Variants in CDH7 observed in about 807,000 individuals in gnomAD.
CDH7 encodes cadherin 7, also known as cadherin-7.
In CDH7, 25 loss-of-function variants were observed where a neutral mutation model predicts 71.8. The observed-to-expected ratio is 0.35, with a 90% confidence interval of 0.25 to 0.49. The LOEUF is 0.49. Among genes scored for constraint, CDH7 ranks in the 20% least tolerant of loss-of-function variants. The pLI, the probability that CDH7 is intolerant of heterozygous loss-of-function variation, is 0.99. For missense variants in CDH7, 862 were observed against 974.6 expected (o/e 0.88, Z 1.54); for synonymous variants, 381 against 363.8 (o/e 1.05, Z -0.54).
In CDH7 at chr18:65,882,294, A is replaced by G. The variant is rs1599072969; in HGVS notation, c.*1400A>G. 6.6e-6 allele frequency: 1 copy of G among 152,158 alleles called. No individual in the cohort carries two copies. The highest frequency in any genetic ancestry group is 1.5e-5 in the Non-Finnish European group (1 of 67,986). 9.4% of individuals were successfully genotyped at this position (152,158 alleles called of 1,614,324 possible). A position where few individuals can be genotyped will look rare whatever the true frequency, so the allele number is the denominator to read the frequency against. Reference sequence around the variant, plus strand: ...TTAGAGTATGACTTTCATGACCAAAATGATGTTTCTACCTATTATTTTTCC... The same window carrying G: ...TTAGAGTATGACTTTCATGACCAAAGTGATGTTTCTACCTATTATTTTTCC... On this transcript the variant is annotated 3_prime_UTR_variant, in exon 12 of 12. Transcript: ENST00000397968.
Position 65,855,993 on chromosome 18 carries a change from T to A in CDH7, c.1236-1823T>A, listed in dbSNP as rs540884966. On this transcript the variant is annotated intron_variant, in intron 7 of 11. Coordinates refer to ENST00000397968, the MANE Select transcript of CDH7 (RefSeq NM_004361.5). The stretch of plus-strand genomic sequence containing the variant: ...AAAGAAGAAAAAACACACTGTCAGA[T>A]CAATTGAAAAAAAAAATGGGGGAAG... 5.3e-3 allele frequency among the ~76,000 whole-genome samples: 799 copies of A among 150,444 alleles called. 3 individuals carry two copies. The highest frequency in any genetic ancestry group is 0.018 in the African/African-American group (745 of 40,906).
rs61611288 is a variant in CDH7 at position 65,766,885 on chromosome 18, T to TAAAAAAAAAA, written c.210+3861_210+3870dup. 2.0e-4 allele frequency among the ~76,000 whole-genome samples: 18 copies of TAAAAAAAAAA among 88,624 alleles called. 1 individual carries two copies. Among genetic ancestry groups the TAAAAAAAAAA allele is most frequent in the Non-Finnish European group, 4.4e-4 (16 of 36,674 alleles). 58.1% of individuals were successfully genotyped at this position (88,624 alleles called of 152,430 possible). A position where few individuals can be genotyped will look rare whatever the true frequency, so the allele number is the denominator to read the frequency against. On this transcript the variant is annotated intron_variant, in intron 2 of 11. Transcript: ENST00000397968. ...CTTAACGTCCTGTAACTGTCTGACG[T>TAAAAAAAAAA]AAAAAAAAAAAAAAAAAAAAAAAAA...
chr18:65,775,547 T>G, intron 2 of CDH7, among the ~76,000 whole-genome samples: 1 of 152,188 alleles, frequency 6.6e-6, no homozygotes, highest in East Asian at 1.9e-4. Context: ...TAAAACAACC[T>G]AAAGGATAAG....
chr18:65,782,075 T>TTCCTTCC (rs1910299367), intron 2 of CDH7, among the ~76,000 whole-genome samples: 1 of 54,410 alleles, frequency 1.8e-5, no homozygotes, highest in Non-Finnish European at 3.0e-5. Context: ...TCTTTCTTTC[T>TTCCTTCC]TTCTTTCCTT....
chr18:65,770,175 A>C (rs373724667), intron 2 of CDH7, among the ~76,000 whole-genome samples: 7 of 152,302 alleles, frequency 4.6e-5, no homozygotes, highest in African/African-American at 1.7e-4. Flanking sequence ...TCAAAAATAC[A>C]TCAATTTAAG....
At position 65,772,462 on chromosome 18, in the gene CDH7, A is replaced by G. The variant is rs148922750; in HGVS notation, c.210+9410A>G. Reference sequence around the variant, plus strand: ...AGAGCTGAATTTAGGTGGTTAACTGATATGTTTTGCTTAATCTGGAGAAGC... The same window carrying G: ...AGAGCTGAATTTAGGTGGTTAACTGGTATGTTTTGCTTAATCTGGAGAAGC... On this transcript the variant is annotated intron_variant, in intron 2 of 11. Transcript: ENST00000397968. Among the ~76,000 whole-genome samples, 370 of 152,240 alleles carry G rather than the reference A, an allele frequency of 2.4e-3. 1 individual carries two copies. Among genetic ancestry groups the G allele is most frequent in the African/African-American group, 8.5e-3 (352 of 41,550 alleles).
At chr18:65,871,364 T>G (rs1297911831) in intron 11 of CDH7, among the ~76,000 whole-genome samples, 1 of 152,130 alleles carries the variant, frequency 6.6e-6, no homozygotes, top group Non-Finnish European at 1.5e-5. Flanking sequence ...ATTTTCATAT[T>G]GGAGAGCAGG....
intron 6 of CDH7, among the ~76,000 whole-genome samples, chr18:65,829,295 T>A (rs1912247740): frequency 6.6e-6 from 1 of 152,056 alleles, no homozygotes; most frequent in Non-Finnish European, 1.5e-5. Flanking sequence ...AATTTTTGTA[T>A]TTTTAGTAGA....
chr18:65,794,917 A>G (rs1910856642), intron 2 of CDH7, among the ~76,000 whole-genome samples: 1 of 152,200 alleles, frequency 6.6e-6, no homozygotes, highest in Non-Finnish European at 1.5e-5. Flanking sequence ...AGAAGAATTA[A>G]AGGTCCCTTT....
intron 7 of CDH7, among the ~76,000 whole-genome samples, chr18:65,856,681 C>T (rs958456738): frequency 6.6e-6 from 1 of 151,998 alleles, no homozygotes; most frequent in Non-Finnish European, 1.5e-5. Flanking sequence ...ATCATCATGC[C>T]TAAAGTGGGT....
intron 9 of CDH7, among the ~76,000 whole-genome samples, chr18:65,859,455 A>T (rs111747315): frequency 1.3e-5 from 2 of 152,274 alleles, no homozygotes; most frequent in African/African-American, 4.8e-5. Context: ...GTTTCCTGGG[A>T]TGTCTAATCA....
At chr18:65,770,424 A>G (rs543119835) in intron 2 of CDH7, among the ~76,000 whole-genome samples, 3 of 152,332 alleles carry the variant, frequency 2.0e-5, no homozygotes, top group Admixed American at 1.3e-4. Flanking sequence ...TTAGAATCCT[A>G]TAAGTTAAAG....
intron 1 of CDH7, among the ~76,000 whole-genome samples, chr18:65,760,633 T>G (rs1229655157): frequency 6.6e-6 from 1 of 152,204 alleles, no homozygotes; most frequent in Non-Finnish European, 1.5e-5. Flanking sequence ...GGAACTGTTC[T>G]ATGGCCACAG....
intron 11 of CDH7, among the ~76,000 whole-genome samples, chr18:65,875,336 C>G (rs1261245448): frequency 6.6e-6 from 1 of 152,132 alleles, no homozygotes; most frequent in Non-Finnish European, 1.5e-5. Context: ...GTTAGGACCA[C>G]AGGACTTGAT....
At chr18:65,782,479 A>C (rs1050625293) in intron 2 of CDH7, among the ~76,000 whole-genome samples, 13 of 152,064 alleles carry the variant, frequency 8.5e-5, no homozygotes, top group Non-Finnish European at 1.8e-4. Flanking sequence ...TGTAGATAGA[A>C]GTGGAATGTG....
chr18:65,819,663 G>A (rs1286358959), intron 4 of CDH7, among the ~76,000 whole-genome samples: 22 of 152,178 alleles, frequency 1.4e-4, no homozygotes, highest in Admixed American at 1.4e-3. Context: ...AGATGACCCA[G>A]ATCCTGGTTA....
chr18:65,839,355 C>T (rs985758788), intron 6 of CDH7, among the ~76,000 whole-genome samples: 2 of 152,124 alleles, frequency 1.3e-5, no homozygotes, highest in African/African-American at 2.4e-5. Context: ...CAGCCATATC[C>T]TGTGTCCTCT....
intron 6 of CDH7, among the ~76,000 whole-genome samples, chr18:65,829,721 A>G (rs1407402554): frequency 6.6e-6 from 1 of 151,710 alleles, no homozygotes; most frequent in Admixed American, 6.6e-5. Context: ...TAAACAATAA[A>G]CAGAAGAAGC....
chr18:65,829,436 T>G (rs980649497), intron 6 of CDH7, among the ~76,000 whole-genome samples: 4 of 147,308 alleles, frequency 2.7e-5, no homozygotes, highest in Admixed American at 1.4e-4. Flanking sequence ...ATGAGATATC[T>G]GAAACGTTGC....
Sources: allele counts gnomAD v4.1 joint callset (sites outside exome capture counted in the v4.1 genomes callset), GRCh38; gene constraint gnomAD v4.1.1; transcripts MANE v1.5; gene names NCBI Gene and HGNC (gene_info 2026-07-23, HGNC 2026-07-21).